The following RARB variants were observed in gnomAD, a reference collection of about 807,000 sequenced individuals.
The protein encoded by RARB is HBV-activated protein.
A neutral mutation model predicts 51.9 loss-of-function variants in RARB; 17 were observed. The observed-to-expected ratio is 0.33, with a 90% CI of 0.22 to 0.49. The LOEUF is 0.49. Ranked by LOEUF, RARB falls within the 20% of genes least tolerant of loss-of-function variation. The pLI, the probability that RARB is intolerant of heterozygous loss-of-function variation, is 0.99. For missense variants in RARB, 369 were observed against 550.8 expected (o/e 0.67, Z 3.30); for synonymous variants, 215 against 195.4 (o/e 1.10, Z -0.84).
chr3:25,075,967 A>C (rs1009580548), intron 3 of RARB, among the ~76,000 whole-genome samples: 2 of 152,208 alleles, frequency 1.3e-5, no homozygotes, highest in African/African-American at 4.8e-5. Context: ...TAGAAAACCC[A>C]CAGTCAGCCT....
intron 2 of RARB, among the ~76,000 whole-genome samples, chr3:24,867,993 A>T (rs943134959): frequency 6.6e-6 from 1 of 152,144 alleles, no homozygotes; most frequent in African/African-American, 2.4e-5. Context: ...TCAGGGTTGG[A>T]GATGATTCAT....
rs753321842 is a variant in RARB, at chr3:25,500,454, G to GTTTTTTTTTTTTTTTTT, written c.307-717_307-701dup. Among the ~76,000 whole-genome samples the GTTTTTTTTTTTTTTTTT allele has an allele frequency of 2.2e-3, 143 of 66,132 alleles. 4 individuals are homozygous for GTTTTTTTTTTTTTTTTT. Among genetic ancestry groups the GTTTTTTTTTTTTTTTTT allele is most frequent in the Middle Eastern group, 0.02 (2 of 100 alleles). 43.4% of individuals were successfully genotyped at this position (66,132 alleles called of 152,430 possible). Reference sequence around the variant, plus strand: ...ATAATTTCTTTTTCTTTCTTTTCTTGTTTTTTTTTTTTTTTTTTTTTTTTT... The same window carrying GTTTTTTTTTTTTTTTTT: ...ATAATTTCTTTTTCTTTCTTTTCTTGTTTTTTTTTTTTTTTTTTTTTTTTTTTTTTTTTTTTTTTTTT... On this transcript the variant is annotated intron_variant, in intron 2 of 7. Coordinates refer to ENST00000330688, the MANE Select transcript of RARB (RefSeq NM_000965.5).
chr3:24,908,544 T>G lies in RARB; in HGVS notation c.-380+49792T>G, dbSNP rs373310731. On this transcript the variant is annotated intron_variant, in intron 2 of 11. Transcript: ENST00000383772. ...ATGAACAAAATTTAGCTGATTTTGT[T>G]TGGAAATGCTTTCTTGAAGAGCAGA... Among the ~76,000 whole-genome samples, 3 of 152,170 alleles carry G rather than the reference T, an allele frequency of 2.0e-5. No individual in the cohort carries two copies. In the East Asian group the frequency reaches 5.8e-4, roughly 29 times the overall value.
intron 1 of RARB, among the ~76,000 whole-genome samples, chr3:24,844,003 C>A (rs1159310465): frequency 6.6e-6 from 1 of 152,102 alleles, no homozygotes; most frequent in African/African-American, 2.4e-5. Flanking sequence ...GAACATCCCT[C>A]AGCCTAGGGC....
chr3:25,463,125 G>T (rs1695265760), intron 2 of RARB, among the ~76,000 whole-genome samples: 1 of 152,120 alleles, frequency 6.6e-6, no homozygotes, highest in Non-Finnish European at 1.5e-5. Flanking sequence ...CTCCCACCTT[G>T]GCCTCCCAAA....
chr3:25,298,495 G>A (rs1323489940), intron 5 of RARB, among the ~76,000 whole-genome samples: 1 of 152,152 alleles, frequency 6.6e-6, no homozygotes, highest in African/African-American at 2.4e-5. Context: ...AGCAGGCTGT[G>A]CCGACATTCC....
rs140934336 is a variant in RARB at position 25,182,865 on chromosome 3, C to A, written c.178+8290C>A. On this transcript the variant is annotated intron_variant, in intron 5 of 11. Transcript: ENST00000383772. ...GAGCCCTAATCCAGTATGACTATGT[C>A]CTTATAAAAGGGGGAAATTTAAACA... Among the ~76,000 whole-genome samples the A allele has an allele frequency of 2.1e-3, 316 of 152,192 alleles. 2 individuals are homozygous for A. The highest frequency in any genetic ancestry group is 0.02 in the East Asian group (103 of 5,164).
chr3:24,951,549 T>G (rs1448297463), intron 2 of RARB, among the ~76,000 whole-genome samples: 1 of 152,196 alleles, frequency 6.6e-6, no homozygotes, highest in African/African-American at 2.4e-5. Context: ...GACAAAGTTT[T>G]GGGTCCGATG....
intron 1 of RARB, among the ~76,000 whole-genome samples, chr3:25,454,915 AT>A (rs1190820405): frequency 6.6e-6 from 1 of 152,232 alleles, no homozygotes; most frequent in Non-Finnish European, 1.5e-5. Flanking sequence ...AGCAATGTTA[AT>A]TTCTTTTCTT....
In RARB at chr3:25,181,473, G is replaced by A. The variant is rs117888693; in HGVS notation, c.178+6898G>A. ...GGTGAGGGAATTTTGGAAATTTGTA[G>A]ATGTGCTTTTGAGTGCCATGCTCAT... is the stretch of plus-strand genomic sequence containing the variant. On this transcript the variant is annotated intron_variant, in intron 5 of 11. Transcript: ENST00000383772. 2.3e-3 allele frequency among the ~76,000 whole-genome samples: 353 copies of A among 152,246 alleles called. 2 individuals carry two copies. The highest frequency in any genetic ancestry group is 0.02 in the East Asian group (105 of 5,174).
chr3:25,069,681 C>T (rs555237446), intron 3 of RARB, among the ~76,000 whole-genome samples: 124 of 152,282 alleles, frequency 8.1e-4, no homozygotes, highest in African/African-American at 2.8e-3. Flanking sequence ...TTTTATCTGG[C>T]ATATGTCAAG....
chr3:25,501,166 T>TCTTG lies in RARB; in HGVS notation c.307-6_307-3dup, dbSNP rs770565161. 3 of 1,568,068 alleles carry TCTTG rather than the reference T, an allele frequency of 1.9e-6. No individual in the cohort carries two copies. Among genetic ancestry groups the TCTTG allele is most frequent in the Non-Finnish European group, 2.6e-6 (3 of 1,163,838 alleles). On this transcript the variant is annotated splice_polypyrimidine_tract_variant and intron_variant, in intron 2 of 7. Transcript: ENST00000330688. Reference sequence around the variant, plus strand: ...TTTGCTTTACTGAGTTTTTTCATCTTCTTGCTTGCTTGCAGGGCTTTTTCC... The same window carrying TCTTG: ...TTTGCTTTACTGAGTTTTTTCATCTTCTTGCTTGCTTGCTTGCAGGGCTTTTTCC...
At chr3:24,940,160 C>T (rs7637559) in intron 2 of RARB, among the ~76,000 whole-genome samples, 61,199 of 151,916 alleles carry the variant, frequency 0.4, 12,947 homozygotes, top group Non-Finnish European at 0.46. Context: ...TAAATGGTGG[C>T]GGTGGTCTGT....
rs888278220 is a variant in RARB at position 24,906,656 on chromosome 3, A to T, written c.-380+47904A>T. Reference sequence around the variant, plus strand: ...TCAGGAGCTCGAGACCAGCCTGGCTAACATGGTGAAACCCTGTCTTTTCTA... The same window carrying T: ...TCAGGAGCTCGAGACCAGCCTGGCTTACATGGTGAAACCCTGTCTTTTCTA... On this transcript the variant is annotated intron_variant, in intron 2 of 11. Coordinates refer to the RARB transcript ENST00000383772. Among the ~76,000 whole-genome samples, 3 of 152,132 alleles carry T rather than the reference A, an allele frequency of 2.0e-5. No homozygotes were observed. In the South Asian group the frequency reaches 6.2e-4, roughly 32 times the overall value.
At position 25,484,835 on chromosome 3, in the gene RARB, A is replaced by AT. The variant is rs113662374; in HGVS notation, c.307-16337dup. 8.3e-4 allele frequency among the ~76,000 whole-genome samples: 123 copies of AT among 148,562 alleles called. 3 individuals carry two copies. In the South Asian group the frequency reaches 0.015, roughly 18 times the overall value. On this transcript the variant is annotated intron_variant, in intron 2 of 7. Coordinates refer to ENST00000330688, the MANE Select transcript of RARB (RefSeq NM_000965.5). Reference sequence around the variant, plus strand: ...GTTTACAAAATGGAAGCTTTAACCTATTTTTTTTTTAACCTCCATTGTCAT... The same window carrying AT: ...GTTTACAAAATGGAAGCTTTAACCTATTTTTTTTTTTAACCTCCATTGTCAT...
intron 3 of RARB, among the ~76,000 whole-genome samples, chr3:25,070,301 T>C (rs1264821924): frequency 6.6e-6 from 1 of 152,124 alleles, no homozygotes; most frequent in Non-Finnish European, 1.5e-5. Context: ...CCAAATAAGG[T>C]CATATTTAGA....
chr3:25,029,199 G>A (rs1203947137), intron 2 of RARB, among the ~76,000 whole-genome samples: 1 of 152,200 alleles, frequency 6.6e-6, no homozygotes, highest in African/African-American at 2.4e-5. Flanking sequence ...TCCAAAGTGG[G>A]AAACTGTCTT....
At chr3:25,361,656 G>T (rs185084227) in intron 5 of RARB, among the ~76,000 whole-genome samples, 97 of 152,176 alleles carry the variant, frequency 6.4e-4, no homozygotes, top group African/African-American at 2.2e-3. Flanking sequence ...GACCTTCAGT[G>T]AGTTTTTGCG....
At chr3:25,352,993 GA>G (rs1030411045) in intron 5 of RARB, among the ~76,000 whole-genome samples, 1 of 152,196 alleles carries the variant, frequency 6.6e-6, no homozygotes, top group African/African-American at 2.4e-5. Flanking sequence ...AGCCAAGTGA[GA>G]AGTCATCTTC....
Sources: allele counts gnomAD v4.1 joint callset (sites outside exome capture counted in the v4.1 genomes callset), GRCh38; gene constraint gnomAD v4.1.1; transcripts MANE v1.5; gene names NCBI Gene and HGNC (gene_info 2026-07-23, HGNC 2026-07-21).